Variants in SYNE1 observed in about 807,000 individuals in gnomAD.
SYNE1 encodes the protein nesprin-1.
A neutral mutation model predicts 1,111.0 loss-of-function variants in SYNE1; 616 were observed. That is an observed-to-expected ratio of 0.55 (90% CI 0.52 to 0.59). The LOEUF (loss-of-function observed/expected upper bound fraction) is 0.59, where lower values mean the gene tolerates loss of function less well. SYNE1 is among the 20% of genes least tolerant of loss of function. The pLI is 0.00. For synonymous variants in SYNE1, 3,855 were observed against 3,825.8 expected, an observed-to-expected ratio of 1.01 and a Z score of -0.28; for missense variants, 10,006 against 10,417.0, an observed-to-expected ratio of 0.96 and a Z score of 1.72.
Position 152,329,711 on chromosome 6 carries a change from G to A in SYNE1, c.14955+19C>T, listed in dbSNP as rs748129622. The A allele has an allele frequency of 6.2e-7, 1 of 1,614,166 alleles. No homozygotes were observed. The highest frequency in any genetic ancestry group is 8.5e-7 in the Non-Finnish European group (1 of 1,180,028). On this transcript the variant is annotated intron_variant, in intron 78 of 145. Transcript: ENST00000367255. Reference sequence around the variant, plus strand: ...TAAGCAGAGTGGAAAAAAGAGAAGTGAAGTCCTATTATACCCACCTGTCTG... The same window carrying A: ...TAAGCAGAGTGGAAAAAAGAGAAGTAAAGTCCTATTATACCCACCTGTCTG...
chr6:152,580,956 G>A (rs1205672768), intron 3 of SYNE1, among the ~76,000 whole-genome samples: 2 of 152,100 alleles, frequency 1.3e-5, no homozygotes, highest in Non-Finnish European at 2.9e-5. Context: ...GCATTCATTG[G>A]GCTACATCTG....
chr6:152,251,481 G>C (rs1043948280), intron 104 of SYNE1, among the ~76,000 whole-genome samples: 21 of 152,050 alleles, frequency 1.4e-4, no homozygotes, highest in Admixed American at 6.5e-4. Flanking sequence ...AATGCAGGCC[G>C]GGCGCGGTGG....
intron 81 of SYNE1, among the ~76,000 whole-genome samples, chr6:152,324,031 A>G (rs1157392164): frequency 1.3e-5 from 2 of 152,230 alleles, no homozygotes; most frequent in Admixed American, 6.5e-5. Context: ...TCTTTCCAAT[A>G]TTTAAGTTAA....
At chr6:152,230,232 C>T (rs1588295348) in intron 115 of SYNE1, among the ~76,000 whole-genome samples, 1 of 152,074 alleles carries the variant, frequency 6.6e-6, no homozygotes, top group African/African-American at 2.4e-5. Context: ...GAGAGGGTTT[C>T]ACCATGTTGC....
Position 152,334,265 on chromosome 6 carries a change from A to T in SYNE1, c.12537T>A (p.Val4179=), listed in dbSNP as rs2096324193. The T allele has an allele frequency of 1.2e-6, 2 of 1,613,550 alleles. No individual in the cohort carries two copies. Among genetic ancestry groups the T allele is most frequent in the Non-Finnish European group, 1.7e-6 (2 of 1,180,016 alleles). ...ATGCCTGTTTGCTCTGTAGTTTCTT[A>T]ACAAAATCCTAAAGGATAACAGCAA... is the stretch of plus-strand genomic sequence containing the variant. ...QNMVSQVKDF[V]KKLQSKQASV... The change falls in exon 77 of 146, where the codon GTT becomes GTA. Residue 4179 remains valine (V), a synonymous_variant. Coordinates refer to ENST00000367255, the MANE Select transcript of SYNE1 (RefSeq NM_182961.4).
chr6:152,236,960 A>G lies in SYNE1; in HGVS notation c.20068-12T>C, dbSNP rs1223491916. 4 of 1,611,974 alleles carry G rather than the reference A, an allele frequency of 2.5e-6. No homozygotes were observed. Among genetic ancestry groups the G allele is most frequent in the African/African-American group, 1.3e-5 (1 of 74,804 alleles). ...AGATGGGACCACGTCTAGAAACACA[A>G]CATGAGTCTGTGAGCTAAAAAAACC... is the stretch of plus-strand genomic sequence containing the variant. On this transcript the variant is annotated splice_polypyrimidine_tract_variant and intron_variant, in intron 108 of 145. Coordinates refer to ENST00000367255, the MANE Select transcript of SYNE1 (RefSeq NM_182961.4).
At chr6:152,609,635 C>T (rs1356640140) in intron 3 of SYNE1, among the ~76,000 whole-genome samples, 3 of 152,086 alleles carry the variant, frequency 2.0e-5, no homozygotes, top group African/African-American at 7.2e-5. Context: ...CCCAGCACGG[C>T]GTTTGAGCTC....
chr6:152,521,143 T>C (rs1466483305), intron 5 of SYNE1, among the ~76,000 whole-genome samples: 1 of 152,224 alleles, frequency 6.6e-6, no homozygotes, highest in Non-Finnish European at 1.5e-5. Flanking sequence ...AGCATCACTG[T>C]ATTAATCATT....
intron 128 of SYNE1, among the ~76,000 whole-genome samples, chr6:152,186,574 AAAAAAAAAAAAAAAAAAAAAAAG>A (rs2153223648): frequency 6.9e-6 from 1 of 143,932 alleles, no homozygotes; most frequent in East Asian, 2.0e-4. Context: ...AAAAAAAAAA[AAAAAAAAAAAAAAAAAAAAAAAG>A]AAGAAGAAGA....
chr6:152,127,551 G>C (rs1055518505), intron 145 of SYNE1: 1 of 152,148 alleles, frequency 6.6e-6, no homozygotes. Context: ...TTTATTAATA[G>C]TGCTTTCAAG....
At chr6:152,303,098 CTTTT>C (rs71017533) in intron 91 of SYNE1, among the ~76,000 whole-genome samples, 2 of 107,080 alleles carry the variant, frequency 1.9e-5, no homozygotes, top group African/African-American at 3.7e-5. Context: ...AACTATTATT[CTTTT>C]TTTTTTTTTT....
chr6:152,371,283 T>C (rs981824245), intron 59 of SYNE1, among the ~76,000 whole-genome samples: 1 of 151,912 alleles, frequency 6.6e-6, no homozygotes, highest in Admixed American at 6.5e-5. Flanking sequence ...GTTCTCATGA[T>C]AGTGAGTTCT....
In SYNE1 at chr6:152,122,311, A is replaced by T; in HGVS notation, c.*125T>A. The T allele has an allele frequency of 1.4e-6, 2 of 1,480,432 alleles. No homozygotes were observed. Among genetic ancestry groups the T allele is most frequent in the South Asian group, 1.2e-5 (1 of 86,708 alleles). The allele number at this position is 1,480,432 out of a possible 1,614,324, so 91.7% of individuals were successfully genotyped here. A position where few individuals can be genotyped will look rare whatever the true frequency, so the allele number is the denominator to read the frequency against. On this transcript the variant is annotated 3_prime_UTR_variant, in exon 146 of 146. Transcript: ENST00000367255. ...AATTTGCACACATGTGATCTGGAGGAGGGCTAAAGCTGCCACACCGAGGGC... is the reference window on the plus strand; with the variant it reads ...AATTTGCACACATGTGATCTGGAGGTGGGCTAAAGCTGCCACACCGAGGGC...
intron 116 of SYNE1, 117 bp from the exon 117 acceptor site, chr6:152,224,781 T>TCAAC: frequency 9.3e-7 from 1 of 1,073,248 alleles, no homozygotes; most frequent in South Asian, 1.4e-5. Flanking sequence ...TCAGGTATCA[T>TCAAC]AAACAAACAA....
chr6:152,507,909 C>A (rs1051460899), intron 8 of SYNE1, among the ~76,000 whole-genome samples: 2 of 152,096 alleles, frequency 1.3e-5, no homozygotes, highest in African/African-American at 4.8e-5. Context: ...ATTTATTTCT[C>A]AAATATTTTT....
In SYNE1 at chr6:152,330,074, C is replaced by T. The variant is rs2096210316; in HGVS notation, c.14611G>A (p.Ala4871Thr). 6.2e-7 allele frequency: 1 copy of T among 1,614,148 alleles called. No homozygotes were observed. Residue 4871 changes from alanine to threonine, a missense_variant, in exon 78 of 146, where the codon GCC becomes ACC. This residue lies in a region of SYNE1 where 4,955 missense variants were observed against 5,017.2 expected (regional missense o/e 0.99). Coordinates refer to ENST00000367255, the MANE Select transcript of SYNE1 (RefSeq NM_182961.4). ...CATTCTGTCACCGTCTCACCAATGG[C>T]AGAAGTCAACAGTTTTAACTCCCCT... The part of the protein sequence containing the change: ...WQGELKLLTS[A>T]IGETVTECES...
intron 90 of SYNE1, among the ~76,000 whole-genome samples, 166 bp downstream of exon 90, chr6:152,309,669 G>T (rs1414854720): frequency 6.6e-6 from 1 of 152,134 alleles, no homozygotes; most frequent in Non-Finnish European, 1.5e-5. Flanking sequence ...GCTTTTGTGG[G>T]TGATCCAAAT....
intron 3 of SYNE1, among the ~76,000 whole-genome samples, chr6:152,585,047 A>G (rs1281538809): frequency 2.6e-5 from 4 of 152,146 alleles, no homozygotes; most frequent in Non-Finnish European, 5.9e-5. Flanking sequence ...AGGTAATTTA[A>G]TCATAGGGGT....
intron 124 of SYNE1, among the ~76,000 whole-genome samples, chr6:152,210,742 A>G (rs2077376452): frequency 6.6e-6 from 1 of 152,356 alleles, no homozygotes; most frequent in South Asian, 2.1e-4. Context: ...AAAGTCGATT[A>G]GATAAAGTAA....
Sources: allele counts gnomAD v4.1 joint callset (sites outside exome capture counted in the v4.1 genomes callset), GRCh38; gene constraint gnomAD v4.1.1; regional missense constraint gnomAD v4.1.1; transcripts MANE v1.5; gene names NCBI Gene and HGNC (gene_info 2026-07-23, HGNC 2026-07-21).